KIF6: variants seen among roughly 807,000 people sequenced by gnomAD.
KIF6 encodes kinesin family member 6.
In KIF6, 106 loss-of-function variants were observed where a neutral mutation model predicts 112.7. That is an observed-to-expected ratio of 0.94 (90% CI 0.80 to 1.11). The LOEUF (loss-of-function observed/expected upper bound fraction) is 1.11. Among genes scored for constraint, KIF6 ranks in the 50% least tolerant of loss-of-function variants. The pLI, the probability that KIF6 is intolerant of heterozygous loss-of-function variation, is 0.00. For missense variants in KIF6, 929 were observed against 964.0 expected (o/e 0.96, Z 0.48); for synonymous variants, 339 against 339.9 (o/e 1.00, Z 0.03).
intron 16 of KIF6, among the ~76,000 whole-genome samples, chr6:39,370,722 G>A (rs1765910421): frequency 1.3e-5 from 2 of 152,246 alleles, no homozygotes; most frequent in South Asian, 4.2e-4. Flanking sequence ...CCTTGGGGGT[G>A]GTGTGTGTGG....
At position 39,431,165 on chromosome 6, in the gene KIF6, T is replaced by C. The variant is rs1771128766; in HGVS notation, c.1646-4A>G. 5 of 1,555,400 alleles carry C rather than the reference T, an allele frequency of 3.2e-6. No homozygotes were observed. The highest frequency in any genetic ancestry group is 3.5e-6 in the Non-Finnish European group (4 of 1,126,868). On this transcript the variant is annotated splice_region_variant and splice_polypyrimidine_tract_variant and intron_variant, in intron 13 of 22. Coordinates refer to ENST00000287152, the MANE Select transcript of KIF6 (RefSeq NM_145027.6). ...AATGACATTTCCTCTCTCATTCCTG[T>C]TTGGAGACACAGGGAAATGGCCTCA...
At chr6:39,411,947 CT>C (rs1769508028) in intron 15 of KIF6, among the ~76,000 whole-genome samples, 1 of 152,174 alleles carries the variant, frequency 6.6e-6, no homozygotes, top group African/African-American at 2.4e-5. Flanking sequence ...AGTTGTCCCC[CT>C]GATTTGCAGT....
intron 3 of KIF6, among the ~76,000 whole-genome samples, chr6:39,696,636 G>A (rs1561938379): frequency 6.6e-6 from 1 of 151,588 alleles, no homozygotes; most frequent in Non-Finnish European, 1.5e-5. Flanking sequence ...GTGTGTGTGT[G>A]TACAGTATAT....
chr6:39,541,415 G>A (rs1428234033), intron 12 of KIF6, among the ~76,000 whole-genome samples: 4 of 152,134 alleles, frequency 2.6e-5, no homozygotes, highest in East Asian at 1.9e-4. Context: ...GGCTCTGGCC[G>A]AACACGCTGC....
In KIF6 at chr6:39,403,722, G is replaced by T. The variant is rs115818222; in HGVS notation, c.1810+16226C>A. On this transcript the variant is annotated intron_variant, in intron 15 of 22. Coordinates refer to ENST00000287152, the MANE Select transcript of KIF6 (RefSeq NM_145027.6). ...TTTTGTAAGAAATGGCCAAGTTGTTGTCCAAGGTGTCTGCCCCATTTTGCA... is the reference window on the plus strand; with the variant it reads ...TTTTGTAAGAAATGGCCAAGTTGTTTTCCAAGGTGTCTGCCCCATTTTGCA... Among the ~76,000 whole-genome samples the T allele has an allele frequency of 7.0e-3, 1,067 of 152,330 alleles. 4 individuals carry two copies. The highest frequency in any genetic ancestry group is 0.012 in the Non-Finnish European group (787 of 68,032).
intron 13 of KIF6, among the ~76,000 whole-genome samples, chr6:39,533,897 G>A (rs954226490): frequency 2.6e-5 from 4 of 152,160 alleles, no homozygotes; most frequent in Admixed American, 6.5e-5. Flanking sequence ...CAGCACTTGC[G>A]GTTCATGAAA....
At chr6:39,388,193 A>G (rs1767581007) in intron 15 of KIF6, among the ~76,000 whole-genome samples, 1 of 152,038 alleles carries the variant, frequency 6.6e-6, no homozygotes, top group Non-Finnish European at 1.5e-5. Context: ...CCATGCCTTG[A>G]CCAGAGTAGG....
At chr6:39,723,826 C>T (rs1029305046) in intron 1 of KIF6, among the ~76,000 whole-genome samples, 2 of 152,072 alleles carry the variant, frequency 1.3e-5, no homozygotes, top group African/African-American at 4.8e-5. Flanking sequence ...CAAACCACCA[C>T]GGCACGTGTA....
At chr6:39,462,714 C>T (rs1773553225) in intron 13 of KIF6, among the ~76,000 whole-genome samples, 1 of 152,058 alleles carries the variant, frequency 6.6e-6, no homozygotes, top group Non-Finnish European at 1.5e-5. Context: ...AGCATCTGTC[C>T]TTGTCTCAGA....
At chr6:39,447,728 T>C (rs1207314808) in intron 13 of KIF6, among the ~76,000 whole-genome samples, 2 of 152,190 alleles carry the variant, frequency 1.3e-5, no homozygotes, top group East Asian at 3.9e-4. Flanking sequence ...CTTTGGTCCC[T>C]TTTCTTGGAA....
At chr6:39,518,062 T>C (rs1437375620) in intron 13 of KIF6, among the ~76,000 whole-genome samples, 1 of 152,206 alleles carries the variant, frequency 6.6e-6, no homozygotes, top group Admixed American at 6.5e-5. Context: ...CAGTAGCTGC[T>C]AGACTTGATG....
chr6:39,349,066 T>C lies in KIF6; in HGVS notation c.2181-2540A>G, dbSNP rs546102288. Among the ~76,000 whole-genome samples, 53 of 152,322 alleles carry C rather than the reference T, an allele frequency of 3.5e-4. 1 individual carries two copies. Among genetic ancestry groups the C allele is most frequent in the Admixed American group, 2.7e-3 (42 of 15,296 alleles). On this transcript the variant is annotated intron_variant, in intron 19 of 22. Coordinates refer to ENST00000287152, the MANE Select transcript of KIF6 (RefSeq NM_145027.6). Reference sequence around the variant, plus strand: ...GGGGCCATGACTGGGATTCATGTGATTCAAATCTCAATAAAGGGGACTTGT... The same window carrying C: ...GGGGCCATGACTGGGATTCATGTGACTCAAATCTCAATAAAGGGGACTTGT...
At chr6:39,668,126 ATAC>A (rs746100397) in intron 3 of KIF6, among the ~76,000 whole-genome samples, 2 of 152,136 alleles carry the variant, frequency 1.3e-5, no homozygotes, top group Non-Finnish European at 2.9e-5. Flanking sequence ...TGCCGTCACC[ATAC>A]TCCCTGTACA....
chr6:39,581,559 A>C (rs2150647854), intron 9 of KIF6, among the ~76,000 whole-genome samples: 1 of 152,028 alleles, frequency 6.6e-6, no homozygotes, highest in South Asian at 2.1e-4. Flanking sequence ...AGGGTTTCAA[A>C]TTTTTCAAAG....
At chr6:39,464,151 TGTC>T (rs1486083472) in intron 13 of KIF6, among the ~76,000 whole-genome samples, 2 of 152,186 alleles carry the variant, frequency 1.3e-5, no homozygotes, top group East Asian at 1.9e-4. Context: ...ATCTGACCGT[TGTC>T]GTGCTTGATG....
Position 39,342,910 on chromosome 6 carries a change from T to C in KIF6, c.2428+799A>G, listed in dbSNP as rs868171065. The C allele has an allele frequency of 5.1e-6, 5 of 985,340 alleles. No homozygotes were observed. In the African/African-American group the frequency reaches 7.0e-5, roughly 14 times the overall value. The allele number at this position is 985,340 out of a possible 1,614,324, so 61.0% of individuals were successfully genotyped here. ...GCCACAGGGCAGGCATCAGTCATTA[T>C]ACATCGAATCTGCCAGCCCATACCA... On this transcript the variant is annotated intron_variant, in intron 22 of 22. Coordinates refer to ENST00000287152, the MANE Select transcript of KIF6 (RefSeq NM_145027.6). The surrounding 1 kb of genome is among the most constrained non-coding windows in gnomAD (Gnocchi z 4.7).
chr6:39,550,247 T>C (rs1779293058), intron 10 of KIF6, among the ~76,000 whole-genome samples: 1 of 152,158 alleles, frequency 6.6e-6, no homozygotes, highest in Non-Finnish European at 1.5e-5. Context: ...GTTCTAGAAA[T>C]TGGCTAGAAA....
intron 13 of KIF6, among the ~76,000 whole-genome samples, chr6:39,441,671 A>G (rs887396922): frequency 6.6e-6 from 1 of 152,246 alleles, no homozygotes; most frequent in African/African-American, 2.4e-5. Context: ...AAGTGACTGC[A>G]GATGTGAAGA....
chr6:39,468,222 A>C (rs1001957981), intron 13 of KIF6, among the ~76,000 whole-genome samples: 2 of 152,088 alleles, frequency 1.3e-5, no homozygotes, highest in Non-Finnish European at 2.9e-5. Flanking sequence ...CCTCAGTGAA[A>C]TGTGGGGCAC....
Sources: allele counts gnomAD v4.1 joint callset (sites outside exome capture counted in the v4.1 genomes callset), GRCh38; gene constraint gnomAD v4.1.1; non-coding constraint Gnocchi (gnomAD v3.1); transcripts MANE v1.5; gene names NCBI Gene and HGNC (gene_info 2026-07-23, HGNC 2026-07-21).